The following GTF2A1L variants were observed in gnomAD, a reference collection of about 807,000 sequenced individuals.
GTF2A1L encodes the protein TFIIA-alpha and beta-like factor.
In GTF2A1L, 48 loss-of-function variants were observed where a neutral mutation model predicts 49.7. The observed-to-expected ratio is 0.97, with a 90% confidence interval of 0.77 to 1.23. GTF2A1L has a LOEUF of 1.23. Among genes scored for constraint, GTF2A1L ranks in the 50% most tolerant of loss-of-function variants. The pLI is 0.00. For missense variants in GTF2A1L, 736 were observed against 564.8 expected (o/e 1.30, Z -3.07); for synonymous variants, 246 against 193.5 (o/e 1.27, Z -2.25).
chr2:48,619,884 A>G (rs1423895010), intron 1 of GTF2A1L, among the ~76,000 whole-genome samples: 1 of 152,082 alleles, frequency 6.6e-6, no homozygotes, highest in Non-Finnish European at 1.5e-5. Context: ...TTAGAATGTT[A>G]TTTGGTCTCT....
intron 6 of GTF2A1L, among the ~76,000 whole-genome samples, chr2:48,662,177 C>T (rs185275199): frequency 6.6e-6 from 1 of 152,154 alleles, no homozygotes. Flanking sequence ...TTTGCCCTCC[C>T]CTACTTTGTC....
Position 48,621,305 on chromosome 2 carries a change from G to T in GTF2A1L, c.247+15G>T, listed in dbSNP as rs767048760. Reference sequence around the variant, plus strand: ...ATCGTCAACAGGTTGGATACCATTAGTAAATGAGTACTGTTAGTATCTTCA... The same window carrying T: ...ATCGTCAACAGGTTGGATACCATTATTAAATGAGTACTGTTAGTATCTTCA... On this transcript the variant is annotated intron_variant, in intron 3 of 8. Transcript: ENST00000403751. The T allele has an allele frequency of 1.9e-6, 3 of 1,613,932 alleles. No individual in the cohort carries two copies. Among genetic ancestry groups the T allele is most frequent in the Admixed American group, 1.7e-5 (1 of 59,996 alleles).
chr2:48,640,149 A>G (rs1677122143), intron 3 of GTF2A1L, among the ~76,000 whole-genome samples: 1 of 152,204 alleles, frequency 6.6e-6, no homozygotes, highest in South Asian at 2.1e-4. Context: ...CAATTCCTCA[A>G]AGAGCTAAAA....
At chr2:48,661,816 A>G (rs918037400) in intron 6 of GTF2A1L, among the ~76,000 whole-genome samples, 2 of 152,118 alleles carry the variant, frequency 1.3e-5, no homozygotes, top group African/African-American at 4.8e-5. Context: ...TCTCTTATAG[A>G]GAGCATATAG....
intron 8 of GTF2A1L, among the ~76,000 whole-genome samples, chr2:48,678,044 T>A (rs556008600): frequency 2.8e-4 from 43 of 151,656 alleles, no homozygotes; most frequent in South Asian, 8.3e-4. Flanking sequence ...TCTGGAGTTT[T>A]AAAAAATCTA....
At chr2:48,645,529 A>G (rs1427376999) in intron 5 of GTF2A1L, among the ~76,000 whole-genome samples, 1 of 152,168 alleles carries the variant, frequency 6.6e-6, no homozygotes, top group African/African-American at 2.4e-5. Context: ...AGGACATCCA[A>G]TAGTTTGGAG....
rs2104054067 is a variant in GTF2A1L at position 48,620,869 on chromosome 2, G to A, written c.40G>A (p.Val14Ile). 2 of 1,591,340 alleles carry A rather than the reference G, an allele frequency of 1.3e-6. No homozygotes were observed. Among genetic ancestry groups the A allele is most frequent in the South Asian group, 2.3e-5 (2 of 86,416 alleles). Residue 14 changes from valine (V) to isoleucine (I), a missense_variant, in exon 2 of 9, where the codon GTA becomes ATA. Transcript: ENST00000403751. Reference protein sequence around the residue: ...LNPVPKLYRSVIEDVIEGVRN... With the variant: ...LNPVPKLYRSIIEDVIEGVRN... ...TATGTAGCCTAAACTCTACAGATCT[G>A]TAATTGAAGATGTAATTGAAGGAGT...
intron 6 of GTF2A1L, among the ~76,000 whole-genome samples, chr2:48,659,205 A>G (rs961347764): frequency 4.6e-5 from 7 of 151,986 alleles, no homozygotes; most frequent in African/African-American, 1.7e-4. Flanking sequence ...GTGTTCTCTC[A>G]ATTTCTTGTA....
rs1267823298 is a variant in GTF2A1L at position 48,679,436 on chromosome 2, G to A, written c.1431G>A (p.Glu477=). The A allele has an allele frequency of 6.2e-7, 1 of 1,612,194 alleles. No individual in the cohort carries two copies. Among genetic ancestry groups the A allele is most frequent in the African/African-American group, 1.3e-5 (1 of 74,846 alleles). The change falls in exon 9 of 9, where the codon GAG becomes GAA. Residue 477 remains glutamate (E), a synonymous_variant. Transcript: ENST00000403751. ...TTGCAAAAGCCATTGGTGATGCAGA[G>A]TGGTAAACCTTGTGAGCTCAGTACA... The part of the protein sequence containing the change: ...YVFAKAIGDA[E]W
At chr2:48,673,317 C>G (rs1679273263) in intron 8 of GTF2A1L, among the ~76,000 whole-genome samples, 1 of 147,968 alleles carries the variant, frequency 6.8e-6, no homozygotes, top group Non-Finnish European at 1.5e-5. Context: ...AAGAGAAAAT[C>G]ATTCAAATTT....
intron 2 of GTF2A1L, 100 bp downstream of exon 2, chr2:48,621,052 A>G (rs1041008609): frequency 1.3e-6 from 2 of 1,507,834 alleles, no homozygotes; most frequent in African/African-American, 1.4e-5. Context: ...TTTAGTACTT[A>G]CCCATTCATT....
intron 3 of GTF2A1L, among the ~76,000 whole-genome samples, chr2:48,638,114 G>A (rs1294208817): frequency 6.6e-6 from 1 of 152,064 alleles, no homozygotes; most frequent in Non-Finnish European, 1.5e-5. Context: ...AAAAAGCCAA[G>A]GACCTGATGG....
intron 3 of GTF2A1L, among the ~76,000 whole-genome samples, chr2:48,633,558 G>A (rs1676705917): frequency 6.6e-6 from 1 of 152,196 alleles, no homozygotes; most frequent in Non-Finnish European, 1.5e-5. Context: ...TTATGGCTGA[G>A]CATACGGTCA....
At chr2:48,675,782 C>A (rs1170736048) in intron 8 of GTF2A1L, among the ~76,000 whole-genome samples, 1 of 151,704 alleles carries the variant, frequency 6.6e-6, no homozygotes, top group East Asian at 1.9e-4. Flanking sequence ...AGATGCTATA[C>A]AATGATTAAT....
At chr2:48,666,584 G>GGTAT (rs1553380599) in intron 6 of GTF2A1L, among the ~76,000 whole-genome samples, 2 of 147,138 alleles carry the variant, frequency 1.4e-5, no homozygotes, top group East Asian at 4.0e-4. Flanking sequence ...AACTTGTCAG[G>GGTAT]GTGTGTGTGT....
chr2:48,664,964 G>A (rs1678732259), intron 6 of GTF2A1L, among the ~76,000 whole-genome samples: 2 of 151,794 alleles, frequency 1.3e-5, no homozygotes, highest in South Asian at 4.2e-4. Context: ...TCTGTTGCTC[G>A]GGCTGGAGTT....
intron 3 of GTF2A1L, among the ~76,000 whole-genome samples, chr2:48,635,947 G>A: frequency 6.6e-6 from 1 of 152,106 alleles, no homozygotes; most frequent in Non-Finnish European, 1.5e-5. Flanking sequence ...GAGTTGCTCT[G>A]ATCTCCTGTG....
chr2:48,675,114 C>T (rs1007148560), intron 8 of GTF2A1L, among the ~76,000 whole-genome samples: 6 of 152,126 alleles, frequency 3.9e-5, no homozygotes, highest in Admixed American at 3.9e-4. Context: ...TGTAACCCAA[C>T]TCAAGTGAAT....
chr2:48,636,047 G>A (rs1410722255), intron 3 of GTF2A1L, among the ~76,000 whole-genome samples: 2 of 152,198 alleles, frequency 1.3e-5, no homozygotes, highest in East Asian at 3.9e-4. Context: ...CACAGTGGCT[G>A]TTTGGCAGGA....
Sources: allele counts gnomAD v4.1 joint callset (sites outside exome capture counted in the v4.1 genomes callset), GRCh38; gene constraint gnomAD v4.1.1; transcripts MANE v1.5; gene names NCBI Gene and HGNC (gene_info 2026-07-23, HGNC 2026-07-21).